LAMA3: variants seen among roughly 807,000 people sequenced by gnomAD.
LAMA3 encodes laminin subunit alpha-3.
Under a neutral mutation model 402.0 loss-of-function variants are expected in LAMA3, and 281 were observed. The ratio of observed to expected loss-of-function variants is 0.70; its 90% CI spans 0.63 to 0.77. The LOEUF (loss-of-function observed/expected upper bound fraction) is 0.77. LAMA3 is among the 30% of genes least tolerant of loss of function. The pLI, the probability that LAMA3 is intolerant of heterozygous loss-of-function variation, is 0.00. For missense variants in LAMA3, 3,840 were observed against 4,215.5 expected, an observed-to-expected ratio of 0.91 and a Z score of 2.47; for synonymous variants, 1,431 against 1,558.4, an observed-to-expected ratio of 0.92 and a Z score of 1.93.
At chr18:23,871,364 G>A in intron 37 of LAMA3, 67 bp from the exon 38 acceptor site, 1 of 1,276,570 alleles carries the variant, frequency 7.8e-7, no homozygotes, top group Non-Finnish European at 1.1e-6. Flanking sequence ...CGGGGTGTCT[G>A]CCTCTAAGGA....
At chr18:23,735,009 G>T (rs1191131043) in intron 2 of LAMA3, among the ~76,000 whole-genome samples, 3 of 152,236 alleles carry the variant, frequency 2.0e-5, no homozygotes, top group Non-Finnish European at 4.4e-5. Context: ...TTCTTTACCA[G>T]TGAGGCGGTT....
chr18:23,943,374 A>G (rs901854199), intron 68 of LAMA3, among the ~76,000 whole-genome samples: 2 of 152,262 alleles, frequency 1.3e-5, no homozygotes. Flanking sequence ...TGATTGTACA[A>G]CAATCTGAAT....
At chr18:23,767,145 T>C (rs931158308) in intron 8 of LAMA3, among the ~76,000 whole-genome samples, 1 of 152,050 alleles carries the variant, frequency 6.6e-6, no homozygotes, top group South Asian at 2.1e-4. Context: ...AGCCCAAATC[T>C]AGGAATACAT....
chr18:23,781,597 A>G (rs2062439638), intron 11 of LAMA3, among the ~76,000 whole-genome samples: 1 of 152,224 alleles, frequency 6.6e-6, no homozygotes, highest in South Asian at 2.1e-4. Flanking sequence ...ACAAGACAAA[A>G]GAGCTTGGGC....
rs1167252238 is a variant in LAMA3, at chr18:23,817,429, T to TTTCCAACA, written c.2147+945_2147+952dup. Among the ~76,000 whole-genome samples, 10 of 152,286 alleles carry TTTCCAACA rather than the reference T, an allele frequency of 6.6e-5. No individual in the cohort carries two copies. The East Asian group carries it at 1.4e-3, about 21-fold the overall frequency. ...GGTGATTCTCTCCTTTCCCTCAATGTTTCCAACATTTGAATTCTAAAAGTC... is the reference window on the plus strand; with the variant it reads ...GGTGATTCTCTCCTTTCCCTCAATGTTTCCAACATTCCAACATTTGAATTCTAAAAGTC... On this transcript the variant is annotated intron_variant, in intron 18 of 74. Coordinates refer to ENST00000313654, the MANE Select transcript of LAMA3 (RefSeq NM_198129.4).
chr18:23,763,590 C>A, intron 8 of LAMA3, 67 bp downstream of exon 8: 1 of 975,504 alleles, frequency 1.0e-6, no homozygotes, highest in East Asian at 2.4e-5. Flanking sequence ...AAGCTCTGCT[C>A]CTGAAGAGAT....
In LAMA3 at chr18:23,825,543, G is replaced by A. The variant is rs532526477; in HGVS notation, c.2571+978G>A. 9.2e-5 allele frequency among the ~76,000 whole-genome samples: 14 copies of A among 152,196 alleles called. No individual in the cohort carries two copies. In the East Asian group the frequency reaches 2.1e-3, roughly 23 times the overall value. On this transcript the variant is annotated intron_variant, in intron 21 of 74. Coordinates refer to ENST00000313654, the MANE Select transcript of LAMA3 (RefSeq NM_198129.4). ...ATCTTAATAGGTCCTTCCAAATTGGGATCTTACAAGGATAACATGAGGGAT... is the reference window on the plus strand; with the variant it reads ...ATCTTAATAGGTCCTTCCAAATTGGAATCTTACAAGGATAACATGAGGGAT...
intron 2 of LAMA3, among the ~76,000 whole-genome samples, chr18:23,741,657 T>C (rs1275110859): frequency 2.0e-5 from 3 of 152,208 alleles, no homozygotes; most frequent in Non-Finnish European, 2.9e-5. Context: ...TTAATAAAAA[T>C]AAATGTTTCA....
intron 10 of LAMA3, 139 bp from the exon 11 acceptor site, chr18:23,777,418 T>TCGC: frequency 1.5e-6 from 1 of 668,764 alleles, no homozygotes; most frequent in Admixed American, 2.3e-5. Context: ...TATAGCAATA[T>TCGC]CGCCTTTCTT....
At chr18:23,838,596 A>T (rs2063632994) in intron 25 of LAMA3, among the ~76,000 whole-genome samples, 185 bp from the exon 26 acceptor site, 1 of 152,250 alleles carries the variant, frequency 6.6e-6, no homozygotes, top group Non-Finnish European at 1.5e-5. Flanking sequence ...AATAAAAAGG[A>T]TTTGTTGCAC....
At chr18:23,893,192 G>T (rs1161300421) in intron 42 of LAMA3, among the ~76,000 whole-genome samples, 3 of 152,154 alleles carry the variant, frequency 2.0e-5, no homozygotes, top group Non-Finnish European at 4.4e-5. Flanking sequence ...GCCTCTTGTA[G>T]CTTGTCCAGG....
rs1361323092 is a variant in LAMA3 at position 23,823,596 on chromosome 18, G to A, written c.2429-827G>A. Among the ~76,000 whole-genome samples the A allele has an allele frequency of 2.6e-5, 4 of 152,134 alleles. No individual in the cohort carries two copies. In the East Asian group the frequency reaches 7.7e-4, roughly 29 times the overall value. ...TTCCTCTCTGGTCCTCACCAGCAGG[G>A]AGCAAAGGCCATGCTTACTGTGTTT... On this transcript the variant is annotated intron_variant, in intron 20 of 74. Coordinates refer to ENST00000313654, the MANE Select transcript of LAMA3 (RefSeq NM_198129.4).
intron 12 of LAMA3, among the ~76,000 whole-genome samples, chr18:23,810,035 G>A (rs532112467): frequency 1.1e-4 from 17 of 152,274 alleles, no homozygotes; most frequent in African/African-American, 3.6e-4. Flanking sequence ...AAATCTTGCT[G>A]AATATGAAAT....
At chr18:23,813,169 A>T in intron 14 of LAMA3, 66 bp downstream of exon 14, 1 of 1,074,128 alleles carries the variant, frequency 9.3e-7, no homozygotes, top group Middle Eastern at 2.0e-4. Flanking sequence ...ATTAAGGACT[A>T]ACAGTGTGGG....
In LAMA3 at chr18:23,816,478, T is replaced by C; in HGVS notation, c.2138T>C (p.Val713Ala). The C allele has an allele frequency of 6.2e-7, 1 of 1,613,786 alleles. No homozygotes were observed. The highest frequency in any genetic ancestry group is 8.5e-7 in the Non-Finnish European group (1 of 1,179,862). ...TGCCGAGAGCATGTCGTGGGAAAGG[T>C]GTGCCAGCGGTGAGTCTTCGGGAGG... ...CQCREHVVGK[V>A]CQRPENNYYF... Residue 713 changes from valine (V) to alanine (A), a missense_variant, in exon 18 of 75, where the codon GTG becomes GCG. Val to Ala is a moderately conservative substitution (Grantham distance 64, BLOSUM62 0). Around this residue, in one of 3 missense-constraint regions of LAMA3, gnomAD observed 2,109 missense variants for 2,376.0 expected, o/e 0.89. Transcript: ENST00000313654.
At chr18:23,704,670 T>C (rs192552527) in intron 1 of LAMA3, among the ~76,000 whole-genome samples, 2 of 152,276 alleles carry the variant, frequency 1.3e-5, no homozygotes, top group East Asian at 3.9e-4. Context: ...TCTTAGTGTT[T>C]GTTTGTTTGT....
chr18:23,721,507 G>A (rs547430863), intron 2 of LAMA3, among the ~76,000 whole-genome samples: 1 of 152,286 alleles, frequency 6.6e-6, no homozygotes, highest in Admixed American at 6.5e-5. Context: ...CATCAGCTCA[G>A]TAGCTTCATA....
At chr18:23,708,314 C>G (rs2060927771) in intron 1 of LAMA3, among the ~76,000 whole-genome samples, 2 of 152,142 alleles carry the variant, frequency 1.3e-5, no homozygotes, top group South Asian at 4.1e-4. Context: ...GTTTCCTCCT[C>G]CCGGTCTTCT....
rs551376149 is a variant in LAMA3 at position 23,842,628 on chromosome 18, T to G, written c.3481T>G (p.Phe1161Val). 2.5e-6 allele frequency: 4 copies of G among 1,614,158 alleles called. No individual in the cohort carries two copies. The South Asian group carries it at 4.4e-5, about 18-fold the overall frequency. Residue 1161 changes from phenylalanine to valine, a missense_variant, in exon 29 of 75, where the codon TTT (phenylalanine) becomes GTT (valine). Around this residue, in one of 3 missense-constraint regions of LAMA3, gnomAD observed 2,109 missense variants for 2,376.0 expected, o/e 0.89. Coordinates refer to ENST00000313654, the MANE Select transcript of LAMA3 (RefSeq NM_198129.4). ...WPRAGSFHAS[F>V]CPHVLGCRDQ... Reference sequence around the variant, plus strand: ...TCTGCCAGGCTCCTTCCATGCCTCTTTTTGCCCCCATGTGCTTGGCTGCCG... The same window carrying G: ...TCTGCCAGGCTCCTTCCATGCCTCTGTTTGCCCCCATGTGCTTGGCTGCCG...
Sources: gnomAD v4.1 joint callset for allele counts (sites outside exome capture counted in the v4.1 genomes callset) on GRCh38, gnomAD v4.1.1 for gene constraint, gnomAD v4.1.1 regional missense constraint, MANE v1.5 for transcripts, NCBI Gene and HGNC (gene_info 2026-07-23, HGNC 2026-07-21) for gene names.